STRIP2: variants seen among roughly 807,000 people sequenced by gnomAD.
The protein encoded by STRIP2 is striatin-interacting protein 2.
A neutral mutation model predicts 107.1 loss-of-function variants in STRIP2; 84 were observed. The ratio of observed to expected loss-of-function variants is 0.78; its 90% CI spans 0.66 to 0.94. The LOEUF is 0.94. Among genes scored for constraint, STRIP2 ranks in the 40% least tolerant of loss-of-function variants. STRIP2 has a pLI of 0.00. For synonymous variants in STRIP2, 394 were observed against 400.4 expected (o/e 0.98, Z 0.19); for missense variants, 888 against 1,034.2 (o/e 0.86, Z 1.94).
intron 18 of STRIP2, among the ~76,000 whole-genome samples, chr7:129,475,885 G>A (rs963626913): frequency 3.3e-5 from 5 of 152,172 alleles, no homozygotes; most frequent in African/African-American, 1.2e-4. Flanking sequence ...TTGGGGGCAA[G>A]GTCATAGATC....
At chr7:129,482,702 A>C in intron 19 of STRIP2, 140 bp from the exon 20 acceptor site, 1 of 982,344 alleles carries the variant, frequency 1.0e-6, no homozygotes, top group Non-Finnish European at 1.5e-6. Flanking sequence ...TGAAGATTAA[A>C]TCTAAGTAGA....
chr7:129,470,526 A>G (rs1276536722), intron 17 of STRIP2, 123 bp from the exon 18 acceptor site: 3 of 748,630 alleles, frequency 4.0e-6, no homozygotes, highest in Non-Finnish European at 7.0e-6. Flanking sequence ...AGCTGAGGTC[A>G]CTAAGCAATT....
chr7:129,468,884 G>A (rs1672246137), intron 17 of STRIP2, among the ~76,000 whole-genome samples: 1 of 152,192 alleles, frequency 6.6e-6, no homozygotes, highest in Non-Finnish European at 1.5e-5. Flanking sequence ...AGCCCAGAAA[G>A]CCTTTCACGT....
intron 12 of STRIP2, among the ~76,000 whole-genome samples, chr7:129,460,045 A>G (rs1469450766): frequency 6.6e-6 from 1 of 152,204 alleles, no homozygotes; most frequent in Non-Finnish European, 1.5e-5. Context: ...TTATTTGAAG[A>G]TAAATGCTTA....
chr7:129,452,854 T>C (rs2598183), intron 4 of STRIP2, among the ~76,000 whole-genome samples: 92,564 of 152,096 alleles, frequency 0.61, 28,883 homozygotes, highest in East Asian at 0.95. Context: ...TTGTGTGTTT[T>C]ATACTGTTTC....
intron 18 of STRIP2, chr7:129,477,846 C>A: frequency 2.4e-6 from 1 of 412,198 alleles, no homozygotes; most frequent in South Asian, 2.1e-5. Flanking sequence ...CATTCCATCT[C>A]AAGGCATCTG....
rs867527597 is a variant in STRIP2 at position 129,454,240 on chromosome 7, A to G, written c.599+30A>G. The stretch of plus-strand genomic sequence containing the variant: ...GTGGGGCTAACTATGGGCTTGGAAC[A>G]GGGCAGATGATTAGCACCTGGGTTA... On this transcript the variant is annotated intron_variant, in intron 6 of 20. Transcript: ENST00000249344. 28 of 1,608,840 alleles carry G rather than the reference A, an allele frequency of 1.7e-5. 1 individual carries two copies. The Middle Eastern group carries it at 4.3e-3, about 250-fold the overall frequency.
At chr7:129,452,910 A>G (rs1329247762) in intron 4 of STRIP2, among the ~76,000 whole-genome samples, 3 of 152,084 alleles carry the variant, frequency 2.0e-5, no homozygotes, top group Admixed American at 6.5e-5. Flanking sequence ...TTTCTTCCCT[A>G]TCTCTACTGA....
chr7:129,435,691 A>T (rs1003182012), intron 1 of STRIP2, among the ~76,000 whole-genome samples: 4 of 152,240 alleles, frequency 2.6e-5, no homozygotes, highest in Non-Finnish European at 1.5e-5. Context: ...TCAAAATGAG[A>T]TAATTGACTA....
chr7:129,484,926 T>C (rs969321653), intron 20 of STRIP2, among the ~76,000 whole-genome samples: 1 of 152,204 alleles, frequency 6.6e-6, no homozygotes, highest in Non-Finnish European at 1.5e-5. Flanking sequence ...AATAAGTGTC[T>C]AAGTGAATAG....
rs367830416 is a variant in STRIP2 at position 129,440,037 on chromosome 7, C to A, written c.145C>A (p.Pro49Thr). The A allele has an allele frequency of 5.6e-6, 9 of 1,614,110 alleles. No individual in the cohort carries two copies. The African/African-American group carries it at 1.2e-4, about 22-fold the overall frequency. ...TCTGTTACAGGGCTCTGTGGACTGT[C>A]CCACTCTGGAGTTTGAGTATGGAGA... ...RRESEGSVDC[P>T]TLEFEYGDAD... The change falls in exon 2 of 21, where the codon CCC (proline) becomes ACC (threonine). Residue 49 changes from proline to threonine, a missense_variant. Physicochemically the swap from Pro to Thr is conservative, Grantham distance 38. Coordinates refer to ENST00000249344, the MANE Select transcript of STRIP2 (RefSeq NM_020704.3).
chr7:129,442,198 C>T (rs1797919186), intron 2 of STRIP2, among the ~76,000 whole-genome samples: 2 of 152,196 alleles, frequency 1.3e-5, no homozygotes, highest in Admixed American at 6.5e-5. Flanking sequence ...GCACTCCAGC[C>T]TGGGTGACAA....
At chr7:129,438,410 T>C (rs1797807469) in intron 1 of STRIP2, among the ~76,000 whole-genome samples, 1 of 152,224 alleles carries the variant, frequency 6.6e-6, no homozygotes, top group African/African-American at 2.4e-5. Flanking sequence ...GCCTTTATAG[T>C]ATAATATTAA....
At chr7:129,463,370 G>A (rs1798592843) in intron 14 of STRIP2, among the ~76,000 whole-genome samples, 1 of 152,194 alleles carries the variant, frequency 6.6e-6, no homozygotes, top group Non-Finnish European at 1.5e-5. Context: ...TGGGAGTGGG[G>A]AAGATGCCAA....
intron 19 of STRIP2, 151 bp from the exon 20 acceptor site, chr7:129,482,691 T>C: frequency 3.3e-6 from 3 of 918,318 alleles, no homozygotes; most frequent in Non-Finnish European, 4.9e-6. Context: ...CTCTATATTC[T>C]TGAAGATTAA....
intron 4 of STRIP2, 131 bp downstream of exon 4, chr7:129,451,878 T>C: frequency 9.1e-7 from 1 of 1,096,360 alleles, no homozygotes; most frequent in Non-Finnish European, 1.3e-6. Context: ...GATCTTGTCA[T>C]GTGCTAGGAG....
At chr7:129,456,136 A>G (rs1379461159) in intron 8 of STRIP2, among the ~76,000 whole-genome samples, 5 of 124,100 alleles carry the variant, frequency 4.0e-5, no homozygotes, top group African/African-American at 5.7e-5. Context: ...AAAAGTCGAT[A>G]GTTTCTTTTT....
chr7:129,485,839 T>C lies in STRIP2; in HGVS notation c.*10T>C, dbSNP rs1364300513. The C allele has an allele frequency of 6.2e-7, 1 of 1,613,490 alleles. No homozygotes were observed. The highest frequency in any genetic ancestry group is 2.2e-5 in the East Asian group (1 of 44,876). On this transcript the variant is annotated 3_prime_UTR_variant, in exon 21 of 21. Transcript: ENST00000249344. ...GCTCCAGAATCACTGACTAAGTTCT[T>C]GTCAACAAGCATCAATAGATAGAGG...
intron 13 of STRIP2, among the ~76,000 whole-genome samples, chr7:129,462,638 C>T (rs1298400987): frequency 6.6e-6 from 1 of 152,174 alleles, no homozygotes; most frequent in Non-Finnish European, 1.5e-5. Flanking sequence ...AGCCACCTAC[C>T]TCTCCTTCCA....
Sources: gnomAD v4.1 joint callset for allele counts (sites outside exome capture counted in the v4.1 genomes callset) on GRCh38, gnomAD v4.1.1 for gene constraint, MANE v1.5 for transcripts, NCBI Gene and HGNC (gene_info 2026-07-23, HGNC 2026-07-21) for gene names.